Variants in RAD17 observed in about 807,000 individuals in gnomAD.
The protein encoded by RAD17 is cell cycle checkpoint protein RAD17.
Under a neutral mutation model 81.5 loss-of-function variants are expected in RAD17, and 31 were observed. The ratio of observed to expected loss-of-function variants is 0.38; its 90% CI spans 0.29 to 0.51. The LOEUF (loss-of-function observed/expected upper bound fraction) is 0.51. RAD17 is among the 20% of genes least tolerant of loss of function. The pLI is 0.88. For missense variants in RAD17, 681 were observed against 781.2 expected (o/e 0.87, Z 1.53); for synonymous variants, 261 against 266.2 (o/e 0.98, Z 0.19).
intron 6 of RAD17, among the ~76,000 whole-genome samples, 190 bp from the exon 7 acceptor site, chr5:69,381,709 AAG>A (rs904759724): frequency 6.6e-6 from 1 of 152,256 alleles, no homozygotes; most frequent in African/African-American, 2.4e-5. Flanking sequence ...AGGGGGGAAA[AAG>A]GCAATTTTTA....
chr5:69,398,115 TA>T (rs879802497), intron 16 of RAD17, among the ~76,000 whole-genome samples: 469 of 139,620 alleles, frequency 3.4e-3, no homozygotes, highest in Admixed American at 3.1e-3. Flanking sequence ...AGACTCCATC[TA>T]AAAAAAAAAA....
chr5:69,391,897 C>T lies in RAD17; in HGVS notation c.1073C>T (p.Ser358Leu). The T allele has an allele frequency of 6.3e-7, 1 of 1,592,646 alleles. No homozygotes were observed. The highest frequency in any genetic ancestry group is 1.2e-5 in the South Asian group (1 of 86,694). ...AAATCAGATGCTGTGCTGTCAAAAT[C>T]AAAACGAAGAAAAAAACCTGATAGG... ...SLKSDAVLSK[S>L]KRRKKPDRVF... Residue 358 changes from serine (S) to leucine (L), a missense_variant, in exon 13 of 19, where the codon TCA becomes TTA. By Grantham distance (145) the Ser-to-Leu change is moderately radical. Coordinates refer to ENST00000354868, the MANE Select transcript of RAD17 (RefSeq NM_133338.3).
intron 18 of RAD17, among the ~76,000 whole-genome samples, chr5:69,411,231 T>C (rs1765974817): frequency 6.6e-6 from 1 of 151,644 alleles, no homozygotes; most frequent in African/African-American, 2.4e-5. Context: ...GACAACATGG[T>C]GAAACCGTGT....
intron 6 of RAD17, among the ~76,000 whole-genome samples, chr5:69,375,033 C>G (rs17229852): frequency 1.2e-3 from 185 of 152,246 alleles, no homozygotes; most frequent in African/African-American, 4.3e-3. Context: ...GGAGGATCGC[C>G]TGAGCCCAGA....
chr5:69,405,236 G>C (rs1373625620), intron 17 of RAD17, among the ~76,000 whole-genome samples: 1 of 152,160 alleles, frequency 6.6e-6, no homozygotes, highest in African/African-American at 2.4e-5. Flanking sequence ...GGGCGCAGTG[G>C]CTCACGCCTG....
At chr5:69,412,303 T>C (rs1005359309) in intron 18 of RAD17, among the ~76,000 whole-genome samples, 3 of 152,208 alleles carry the variant, frequency 2.0e-5, no homozygotes, top group Admixed American at 1.3e-4. Context: ...ACTGGTACTA[T>C]CTTTTATTTA....
At chr5:69,377,508 T>A (rs1273660572) in intron 6 of RAD17, among the ~76,000 whole-genome samples, 3 of 94,832 alleles carry the variant, frequency 3.2e-5, no homozygotes, top group African/African-American at 1.3e-4. Context: ...TATATATATG[T>A]ATATATACGT....
At chr5:69,380,521 G>A (rs548989195) in intron 6 of RAD17, among the ~76,000 whole-genome samples, 12 of 152,234 alleles carry the variant, frequency 7.9e-5, no homozygotes, top group African/African-American at 2.9e-4. Flanking sequence ...GGTGAACAGC[G>A]CTATAACTCA....
At chr5:69,395,206 ATAAAT>A (rs1764807356) in intron 15 of RAD17, among the ~76,000 whole-genome samples, 1 of 152,180 alleles carries the variant, frequency 6.6e-6, no homozygotes, top group Non-Finnish European at 1.5e-5. Context: ...CATCCTATAA[ATAAAT>A]TAAAAGGATA....
At chr5:69,369,542 C>T (rs375942821), upstream of RAD17, 1 of 1,610,514 alleles carries the variant, frequency 6.2e-7, no homozygotes, top group Non-Finnish European at 8.5e-7. Context: ...CTTTGCTCTA[C>T]AGGGAGGAGC....
intron 8 of RAD17, among the ~76,000 whole-genome samples, chr5:69,385,182 G>C (rs184752885): frequency 4.6e-5 from 7 of 150,800 alleles, no homozygotes; most frequent in Non-Finnish European, 8.8e-5. Context: ...GGATGGTCTC[G>C]ATCTCCTGAC....
intron 4 of RAD17, among the ~76,000 whole-genome samples, chr5:69,373,137 A>G (rs1214638063): frequency 6.6e-6 from 1 of 152,102 alleles, no homozygotes; most frequent in Non-Finnish European, 1.5e-5. Flanking sequence ...AGGCAGATAT[A>G]TTACTCTTAT....
At chr5:69,377,564 T>C (rs111784023) in intron 6 of RAD17, among the ~76,000 whole-genome samples, 1 of 46,464 alleles carries the variant, frequency 2.2e-5, no homozygotes, top group Non-Finnish European at 5.0e-5. Flanking sequence ...TATATGTATA[T>C]ATATATGCAT....
intron 17 of RAD17, among the ~76,000 whole-genome samples, chr5:69,401,850 AC>A (rs1331064280): frequency 9.6e-5 from 10 of 104,448 alleles, no homozygotes; most frequent in African/African-American, 3.5e-4. Context: ...CCCACAAAAA[AC>A]AAAAAAACCA....
At chr5:69,403,337 G>A (rs1010261694) in intron 17 of RAD17, among the ~76,000 whole-genome samples, 13 of 152,126 alleles carry the variant, frequency 8.5e-5, no homozygotes, top group Non-Finnish European at 1.2e-4. Flanking sequence ...ATTTGGGTTT[G>A]TCTGGTGATT....
chr5:69,382,743 G>A (rs755623250), intron 7 of RAD17, among the ~76,000 whole-genome samples: 3 of 152,192 alleles, frequency 2.0e-5, no homozygotes, highest in Non-Finnish European at 2.9e-5. Context: ...AGACAAAGAT[G>A]TCTTTGGAAT....
At chr5:69,397,111 T>A (rs921659565) in intron 16 of RAD17, among the ~76,000 whole-genome samples, 4 of 151,200 alleles carry the variant, frequency 2.6e-5, no homozygotes, top group Admixed American at 6.6e-5. Flanking sequence ...GGATTACAAA[T>A]GTGAGACACC....
intron 4 of RAD17, 109 bp from the exon 5 acceptor site, chr5:69,373,719 GTT>G: frequency 5.7e-6 from 1 of 174,622 alleles, no homozygotes. Flanking sequence ...TTTTTTTTAA[GTT>G]TTAAAGGTTA....
At position 69,377,441 on chromosome 5, in the gene RAD17, A is replaced by ATATATATATATATATATATG. The variant is rs1554038590; in HGVS notation, c.351+2749_351+2750insGTATATATATATATATATAT. 1.7e-3 allele frequency among the ~76,000 whole-genome samples: 13 copies of ATATATATATATATATATATG among 7,786 alleles called. No homozygotes were observed. The East Asian group carries it at 0.045, about 27-fold the overall frequency. 5.1% of individuals were successfully genotyped at this position (7,786 alleles called of 152,430 possible). A position where few individuals can be genotyped will look rare whatever the true frequency, so the allele number is the denominator to read the frequency against. Reference sequence around the variant, plus strand: ...TATATGTGTGTGTGTGTGTGTGTGTATATATATATATATATATATATATAT... The same window carrying ATATATATATATATATATATG: ...TATATGTGTGTGTGTGTGTGTGTGTATATATATATATATATATATGTATATATATATATATATATATATAT... On this transcript the variant is annotated intron_variant, in intron 6 of 18. Coordinates refer to ENST00000354868, the MANE Select transcript of RAD17 (RefSeq NM_133338.3).
Sources: gnomAD v4.1 joint callset for allele counts (sites outside exome capture counted in the v4.1 genomes callset) on GRCh38, gnomAD v4.1.1 for gene constraint, MANE v1.5 for transcripts, NCBI Gene and HGNC (gene_info 2026-07-23, HGNC 2026-07-21) for gene names.